The following PPL variants were observed in gnomAD, a reference collection of about 807,000 sequenced individuals.
The protein encoded by PPL is 190 kDa paraneoplastic pemphigus antigen.
A neutral mutation model predicts 194.4 loss-of-function variants in PPL; 198 were observed. The ratio of observed to expected loss-of-function variants is 1.02; its 90% CI spans 0.91 to 1.15. The LOEUF (loss-of-function observed/expected upper bound fraction) is 1.15, where lower values mean the gene tolerates loss of function less well. Among genes scored for constraint, PPL ranks in the 50% most tolerant of loss-of-function variants. PPL has a pLI of 0.00. For synonymous variants in PPL, 1,220 were observed against 972.4 expected, an observed-to-expected ratio of 1.25 and a Z score of -4.74; for missense variants, 2,885 against 2,294.8, an observed-to-expected ratio of 1.26 and a Z score of -5.25.
At chr16:4,936,329 G>T (rs777715377) in intron 1 of PPL, among the ~76,000 whole-genome samples, 2 of 152,100 alleles carry the variant, frequency 1.3e-5, no homozygotes, top group Non-Finnish European at 2.9e-5. Context: ...GCCTCCCCCT[G>T]TGCCCCTCGA....
chr16:4,889,203 T>A, intron 18 of PPL, 142 bp from the exon 19 acceptor site: 2 of 626,894 alleles, frequency 3.2e-6, no homozygotes, highest in East Asian at 5.4e-5. Flanking sequence ...TTGTATACAT[T>A]TTTATTCATT....
chr16:4,905,477 C>T (rs1425992706), intron 2 of PPL, among the ~76,000 whole-genome samples: 3 of 152,182 alleles, frequency 2.0e-5, no homozygotes, highest in Non-Finnish European at 4.4e-5. Flanking sequence ...CACAAGAGAT[C>T]TTGCACGGGA....
chr16:4,905,538 G>A (rs1021777962), intron 2 of PPL, among the ~76,000 whole-genome samples: 3 of 152,208 alleles, frequency 2.0e-5, no homozygotes, highest in Non-Finnish European at 4.4e-5. Flanking sequence ...CCTTGCTAAA[G>A]TTACTCAAAA....
chr16:4,930,198 A>G (rs1244665834), intron 1 of PPL, among the ~76,000 whole-genome samples: 1 of 151,836 alleles, frequency 6.6e-6, no homozygotes, highest in African/African-American at 2.4e-5. Context: ...CTCATCTCCA[A>G]CTGATCCCCG....
Position 4,886,890 on chromosome 16 carries a change from A to T in PPL, c.2607+245T>A, listed in dbSNP as rs527856432. Among the ~76,000 whole-genome samples the T allele has an allele frequency of 3.9e-5, 6 of 152,368 alleles. No individual in the cohort carries two copies. The South Asian group carries it at 1.2e-3, about 32-fold the overall frequency. ...TGCCTCGGCCTCCCAAAGTGCTGGG[A>T]TTACAAGCGTGAGCCACCATGCCCA... On this transcript the variant is annotated intron_variant, in intron 21 of 21. Transcript: ENST00000345988.
rs115179116 is a variant in PPL, at chr16:4,934,686, T to C, written c.62+2298A>G. Among the ~76,000 whole-genome samples the C allele has an allele frequency of 9.2e-3, 1,397 of 152,054 alleles. 23 individuals are homozygous for C. The highest frequency in any genetic ancestry group is 0.032 in the African/African-American group (1,343 of 41,434). ...GAAAACTCAGAGTGAAGGAATAACT[T>C]GGGGATCCACTCCCTGTGACCAGCG... On this transcript the variant is annotated intron_variant, in intron 1 of 21. Transcript: ENST00000345988.
chr16:4,896,213 C>T (rs555595054), intron 9 of PPL, among the ~76,000 whole-genome samples: 5 of 152,282 alleles, frequency 3.3e-5, no homozygotes, highest in South Asian at 2.1e-4. Flanking sequence ...CCCCACTGTG[C>T]GGCTCAGACA....
chr16:4,888,203 C>G lies in PPL; in HGVS notation c.2413G>C (p.Ala805Pro). ...QQAVKDYELEAEKLRSLLDLE... is the reference protein window; with the variant it reads ...QQAVKDYELEPEKLRSLLDLE... ...TCGAGAAGAGACCTTAGTTTTTCTG[C>G]TTCTAACTCATAGTCCTGCATGAGG... Residue 805 changes from alanine to proline, a missense_variant, in exon 20 of 22, where the codon GCA becomes CCA. Coordinates refer to ENST00000345988, the MANE Select transcript of PPL (RefSeq NM_002705.5). 1.2e-6 allele frequency: 2 copies of G among 1,609,962 alleles called. No homozygotes were observed. Among genetic ancestry groups the G allele is most frequent in the Non-Finnish European group, 1.7e-6 (2 of 1,176,228 alleles).
chr16:4,895,451 TC>T, intron 10 of PPL, 44 bp from the exon 11 acceptor site: 1 of 1,606,966 alleles, frequency 6.2e-7, no homozygotes, highest in Non-Finnish European at 8.5e-7. Flanking sequence ...CCAACAGCCT[TC>T]CCCCTGGTGG....
At chr16:4,887,376 CTG>C in intron 20 of PPL, 149 bp from the exon 21 acceptor site, 1 of 649,496 alleles carries the variant, frequency 1.5e-6, no homozygotes, top group East Asian at 2.7e-5. Context: ...TGGAGTTAGA[CTG>C]TAGCCTCACC....
At chr16:4,916,631 A>G (rs978167527) in intron 1 of PPL, among the ~76,000 whole-genome samples, 4 of 151,648 alleles carry the variant, frequency 2.6e-5, no homozygotes, top group African/African-American at 9.7e-5. Context: ...TCAGCCTCCG[A>G]GTAACTGCGA....
chr16:4,902,137 G>A lies in PPL; in HGVS notation c.438+269C>T, dbSNP rs2088585575. On this transcript the variant is annotated intron_variant, in intron 4 of 21. Transcript: ENST00000345988. The surrounding 1 kb of genome is among the most constrained non-coding windows in gnomAD (Gnocchi z 4.0). ...GTCACCAAGACCCCAACATGCCAGG[G>A]TTGGAAAGTGGGACCCAGGAGCAGC... is the stretch of plus-strand genomic sequence containing the variant. Among the ~76,000 whole-genome samples, 1 of 152,144 alleles carries A rather than the reference G, an allele frequency of 6.6e-6. No individual in the cohort carries two copies. Among genetic ancestry groups the A allele is most frequent in the African/African-American group, 2.4e-5 (1 of 41,430 alleles).
intron 17 of PPL, 77 bp downstream of exon 17, chr16:4,890,651 C>G (rs1049320197): frequency 6.8e-7 from 1 of 1,467,496 alleles, no homozygotes; most frequent in Non-Finnish European, 9.1e-7. Context: ...CTGTGGGACA[C>G]GGCTAAAGCA....
At chr16:4,915,357 C>T (rs979773056) in intron 1 of PPL, among the ~76,000 whole-genome samples, 72 of 152,258 alleles carry the variant, frequency 4.7e-4, no homozygotes, top group African/African-American at 1.7e-3. Flanking sequence ...GCCCTACCCT[C>T]GTACAGCCTC....
intron 20 of PPL, among the ~76,000 whole-genome samples, chr16:4,887,495 G>C (rs755487785): frequency 1.3e-5 from 2 of 152,172 alleles, no homozygotes; most frequent in African/African-American, 2.4e-5. Context: ...GTTCTCTCTT[G>C]TGTGTACAGG....
intron 16 of PPL, 35 bp downstream of exon 16, chr16:4,891,776 G>T: frequency 6.3e-7 from 1 of 1,580,744 alleles, no homozygotes. Context: ...CACCTGCTCA[G>T]AGAAGGACTC....
intron 14 of PPL, 27 bp from the exon 15 acceptor site, chr16:4,892,240 T>A (rs1424141126): frequency 6.3e-7 from 1 of 1,597,934 alleles, no homozygotes; most frequent in South Asian, 1.1e-5. Context: ...CCCTCAGTTT[T>A]GGACACAGCC....
In PPL at chr16:4,900,978, T is replaced by C. The variant is rs1203371948; in HGVS notation, c.550A>G (p.Lys184Glu). Reference sequence around the variant, plus strand: ...ACACGCCCCACCTTGTCCCCGTCCTTGGCCAGGTGGGGCCCGATGGCCTTG... The same window carrying C: ...ACACGCCCCACCTTGTCCCCGTCCTCGGCCAGGTGGGGCCCGATGGCCTTG... ...EVKAIGPHLA[K>E]DGDKEQNSEL... The change falls in exon 5 of 22, where the codon AAG becomes GAG. Residue 184 changes from lysine (K) to glutamate (E), a missense_variant. Lys to Glu is a moderately conservative substitution (Grantham distance 56). Coordinates refer to ENST00000345988, the MANE Select transcript of PPL (RefSeq NM_002705.5). 2 of 1,614,124 alleles carry C rather than the reference T, an allele frequency of 1.2e-6. No individual in the cohort carries two copies. The highest frequency in any genetic ancestry group is 2.2e-5 in the South Asian group (2 of 91,084).
At chr16:4,917,575 G>A (rs1320160776) in intron 1 of PPL, among the ~76,000 whole-genome samples, 3 of 152,042 alleles carry the variant, frequency 2.0e-5, no homozygotes. Context: ...AAAATCAATC[G>A]TGGGGATGGC....
Sources: allele counts gnomAD v4.1 joint callset (sites outside exome capture counted in the v4.1 genomes callset), GRCh38; gene constraint gnomAD v4.1.1; non-coding constraint Gnocchi (gnomAD v3.1); transcripts MANE v1.5; gene names NCBI Gene and HGNC (gene_info 2026-07-23, HGNC 2026-07-21).